CTNNAL1: variants seen among roughly 807,000 people sequenced by gnomAD.
The protein encoded by CTNNAL1 is catenin alpha like 1.
A neutral mutation model predicts 93.6 loss-of-function variants in CTNNAL1; 69 were observed. The observed-to-expected ratio is 0.74, with a 90% CI of 0.61 to 0.90. The LOEUF (loss-of-function observed/expected upper bound fraction) is 0.90, where lower values mean the gene tolerates loss of function less well. CTNNAL1 is among the 40% of genes least tolerant of loss of function. The probability of loss-of-function intolerance (pLI) is 0.00; values close to 1 mark genes in which losing one functional copy is unlikely to be tolerated. For missense variants in CTNNAL1, 836 were observed against 862.0 expected, an observed-to-expected ratio of 0.97 and a Z score of 0.38; for synonymous variants, 286 against 305.4, an observed-to-expected ratio of 0.94 and a Z score of 0.66.
At chr9:108,974,510 C>T (rs955379168) in intron 8 of CTNNAL1, among the ~76,000 whole-genome samples, 2 of 152,056 alleles carry the variant, frequency 1.3e-5, no homozygotes, top group African/African-American at 4.8e-5. Context: ...AACAGATCAC[C>T]ACGTATAAAA....
At chr9:108,996,639 C>T (rs1442591796) in intron 2 of CTNNAL1, among the ~76,000 whole-genome samples, 1 of 152,180 alleles carries the variant, frequency 6.6e-6, no homozygotes, top group African/African-American at 2.4e-5. Flanking sequence ...GAGCACAGGA[C>T]TCAGGTTGTC....
At chr9:108,954,455 T>C (rs908022897) in intron 12 of CTNNAL1, among the ~76,000 whole-genome samples, 21 of 152,204 alleles carry the variant, frequency 1.4e-4, no homozygotes, top group Non-Finnish European at 5.9e-5. Context: ...CTTTTCTAAT[T>C]CTCAAAAAAT....
intron 1 of CTNNAL1, among the ~76,000 whole-genome samples, chr9:109,006,424 AAG>A (rs1827029110): frequency 6.6e-6 from 1 of 152,208 alleles, no homozygotes; most frequent in African/African-American, 2.4e-5. Context: ...CGAGGTCACA[AAG>A]CCAGGGGAGC....
At chr9:108,942,872 C>T in intron 18 of CTNNAL1, 38 bp from the exon 19 acceptor site, 1 of 1,611,408 alleles carries the variant, frequency 6.2e-7, no homozygotes, top group Non-Finnish European at 8.5e-7. Context: ...TGGTTTCACT[C>T]TGAAAAAAAA....
At chr9:108,951,021 T>G (rs1006958314) in intron 14 of CTNNAL1, among the ~76,000 whole-genome samples, 12 of 151,684 alleles carry the variant, frequency 7.9e-5, no homozygotes, top group Admixed American at 3.9e-4. Flanking sequence ...TTTATTTATT[T>G]ATTTTTGAGA....
rs562221823 is a variant in CTNNAL1 at position 109,004,569 on chromosome 9, C to T, written c.142-5313G>A. ...TTGGGAGGCCAAGGTGGGCGGATCA[C>T]GAGGTCAGGAATTTGAGACCAGCTT... On this transcript the variant is annotated intron_variant, in intron 1 of 18. Transcript: ENST00000325551. 5.9e-5 allele frequency among the ~76,000 whole-genome samples: 9 copies of T among 152,204 alleles called. No homozygotes were observed. The South Asian group carries it at 1.0e-3, about 18-fold the overall frequency.
At chr9:108,972,398 G>A (rs1328894634) in intron 9 of CTNNAL1, among the ~76,000 whole-genome samples, 3 of 152,098 alleles carry the variant, frequency 2.0e-5, no homozygotes, top group African/African-American at 4.8e-5. Flanking sequence ...GTCATACGAC[G>A]TACCTCCATG....
chr9:108,952,838 C>G (rs1190655561), intron 12 of CTNNAL1, among the ~76,000 whole-genome samples: 1 of 152,196 alleles, frequency 6.6e-6, no homozygotes, highest in Non-Finnish European at 1.5e-5. Flanking sequence ...TCCCCCAAAC[C>G]TCCCTGGCTT....
At chr9:108,951,360 TC>T (rs1266721821) in intron 14 of CTNNAL1, among the ~76,000 whole-genome samples, 5 of 152,092 alleles carry the variant, frequency 3.3e-5, no homozygotes, top group African/African-American at 1.2e-4. Context: ...GTTGTAGAGA[TC>T]CTTCACTACT....
At chr9:108,996,846 T>C (rs1019092021) in intron 2 of CTNNAL1, among the ~76,000 whole-genome samples, 2 of 152,092 alleles carry the variant, frequency 1.3e-5, no homozygotes, top group South Asian at 2.1e-4. Context: ...AATAATTTAG[T>C]GTCAGGAAAA....
chr9:108,993,173 C>T (rs954297152), intron 2 of CTNNAL1, among the ~76,000 whole-genome samples: 51 of 152,220 alleles, frequency 3.4e-4, no homozygotes, highest in African/African-American at 1.1e-3. Flanking sequence ...CCCTAAAACC[C>T]GAGCAGTAAG....
In CTNNAL1 at chr9:108,990,585, T is replaced by A. The variant is rs912380236; in HGVS notation, c.639+141A>T. On this transcript the variant is annotated intron_variant, in intron 4 of 18. Transcript: ENST00000325551. ...TAGATCTACTTACTTTATCCTGGCT[T>A]ATCTATGAAAGGCTTTCAAGACCAA... 3.0e-6 allele frequency: 3 copies of A among 988,578 alleles called. No individual in the cohort carries two copies. The African/African-American group carries it at 5.0e-5, about 16-fold the overall frequency. The allele number at this position is 988,578 out of a possible 1,614,324, so 61.2% of individuals were successfully genotyped here. A position where few individuals can be genotyped will look rare whatever the true frequency, so the allele number is the denominator to read the frequency against.
At chr9:108,975,766 A>C (rs1405199189) in intron 8 of CTNNAL1, among the ~76,000 whole-genome samples, 1 of 152,216 alleles carries the variant, frequency 6.6e-6, no homozygotes, top group Non-Finnish European at 1.5e-5. Context: ...GTGACTATCC[A>C]ACTCTGCTGT....
At chr9:108,945,203 G>C (rs1372915196) in intron 15 of CTNNAL1, among the ~76,000 whole-genome samples, 1 of 152,090 alleles carries the variant, frequency 6.6e-6, no homozygotes, top group Non-Finnish European at 1.5e-5. Flanking sequence ...ATGGGAGATT[G>C]GTTCCCAGAC....
At chr9:108,950,871 A>C in intron 14 of CTNNAL1, 1 of 332,636 alleles carries the variant, frequency 3.0e-6, no homozygotes, top group Non-Finnish European at 5.4e-6. Context: ...CATTTTTCAA[A>C]ACTTAATTGC....
At position 109,004,790 on chromosome 9, in the gene CTNNAL1, A is replaced by AAAAT. The variant is rs905373905; in HGVS notation, c.142-5538_142-5535dup. Reference sequence around the variant, plus strand: ...GACAGAGCGAGACTCTGTCTTGAAAAAAATAAATAAATAAATAAATAAATA... The same window carrying AAAAT: ...GACAGAGCGAGACTCTGTCTTGAAAAAAATAAATAAATAAATAAATAAATAAATA... On this transcript the variant is annotated intron_variant, in intron 1 of 18. Transcript: ENST00000325551. 8.2e-4 allele frequency among the ~76,000 whole-genome samples: 124 copies of AAAAT among 152,086 alleles called. 1 individual carries two copies. Among genetic ancestry groups the AAAAT allele is most frequent in the South Asian group, 4.8e-3 (23 of 4,812 alleles).
intron 15 of CTNNAL1, among the ~76,000 whole-genome samples, chr9:108,947,756 C>G (rs1200206551): frequency 1.3e-5 from 2 of 152,126 alleles, no homozygotes; most frequent in Non-Finnish European, 2.9e-5. Context: ...GTACTTAATA[C>G]CCTCTAATAG....
At chr9:108,959,056 G>A (rs958077943) in intron 11 of CTNNAL1, among the ~76,000 whole-genome samples, 11 of 151,932 alleles carry the variant, frequency 7.2e-5, no homozygotes, top group African/African-American at 2.7e-4. Flanking sequence ...TTGAGGCCAG[G>A]AGTTGAAGAC....
chr9:108,969,616 A>C (rs930650790), intron 10 of CTNNAL1, among the ~76,000 whole-genome samples: 10 of 152,032 alleles, frequency 6.6e-5, no homozygotes, highest in African/African-American at 2.2e-4. Context: ...ATAATGTACT[A>C]TTTGCCTAAT....
Sources: gnomAD v4.1 joint callset for allele counts (sites outside exome capture counted in the v4.1 genomes callset) on GRCh38, gnomAD v4.1.1 for gene constraint, MANE v1.5 for transcripts, NCBI Gene and HGNC (gene_info 2026-07-23, HGNC 2026-07-21) for gene names.